The following MAPRE1 variants were observed in gnomAD, a reference collection of about 807,000 sequenced individuals.
MAPRE1 encodes the protein microtubule-associated protein RP/EB family member 1.
MAPRE1 carries 5 observed loss-of-function variants against 32.1 expected under a neutral mutation model. The observed-to-expected ratio is 0.16, with a 90% CI of 0.08 to 0.33. The LOEUF is 0.33. Among genes scored for constraint, MAPRE1 ranks in the 10% least tolerant of loss-of-function variants. MAPRE1 has a pLI of 1.00. For missense variants in MAPRE1, 209 were observed against 327.2 expected (o/e 0.64, Z 2.79); for synonymous variants, 122 against 118.9 (o/e 1.03, Z -0.17).
chr20:32,828,573 T>C (rs1982933419), intron 2 of MAPRE1, among the ~76,000 whole-genome samples: 1 of 152,234 alleles, frequency 6.6e-6, no homozygotes, highest in Non-Finnish European at 1.5e-5. Flanking sequence ...TAGTTCTTCA[T>C]CTGTGAACTG....
intron 1 of MAPRE1, among the ~76,000 whole-genome samples, chr20:32,820,793 G>T (rs1212099310): frequency 6.6e-6 from 1 of 152,150 alleles, no homozygotes; most frequent in Non-Finnish European, 1.5e-5. Context: ...GATGCTGCAG[G>T]GCAGAGCTTG....
chr20:32,844,470 T>TTG, intron 5 of MAPRE1, among the ~76,000 whole-genome samples: 1 of 132,826 alleles, frequency 7.5e-6, no homozygotes, highest in Non-Finnish European at 1.6e-5. Context: ...TTTTTTTTTT[T>TTG]GTGGCGTGAT....
At chr20:32,845,680 G>A (rs1372780697) in intron 5 of MAPRE1, among the ~76,000 whole-genome samples, 1 of 152,126 alleles carries the variant, frequency 6.6e-6, no homozygotes, top group African/African-American at 2.4e-5. Flanking sequence ...ATGGAGCCTT[G>A]CTATGTTGTC....
At position 32,821,101 on chromosome 20, in the gene MAPRE1, C is replaced by T. The variant is rs907254413; in HGVS notation, c.-4+1073C>T. Among the ~76,000 whole-genome samples the T allele has an allele frequency of 6.6e-5, 10 of 151,870 alleles. 1 individual carries two copies. Among genetic ancestry groups the T allele is most frequent in the African/African-American group, 1.7e-4 (7 of 41,420 alleles). On this transcript the variant is annotated intron_variant, in intron 1 of 6. Coordinates refer to ENST00000375571, the MANE Select transcript of MAPRE1 (RefSeq NM_012325.3). ...TGGCACCATCGCTCACTGCAACCTC[C>T]GCCTCCCGGGTTCAAGCGATTCTCG... is the stretch of plus-strand genomic sequence containing the variant.
chr20:32,823,807 T>C (rs922129073), intron 1 of MAPRE1, among the ~76,000 whole-genome samples: 7 of 152,194 alleles, frequency 4.6e-5, no homozygotes, highest in African/African-American at 1.7e-4. Flanking sequence ...GAGGATGGCT[T>C]GAGCCTGGGA....
At chr20:32,847,954 A>G (rs957949589) in intron 6 of MAPRE1, among the ~76,000 whole-genome samples, 1 of 152,206 alleles carries the variant, frequency 6.6e-6, no homozygotes, top group African/African-American at 2.4e-5. Flanking sequence ...AAAGGAAGGC[A>G]TAAAAGGAAA....
chr20:32,848,553 C>T (rs909656608), intron 6 of MAPRE1, 119 bp from the exon 7 acceptor site: 49 of 623,242 alleles, frequency 7.9e-5, no homozygotes, highest in Non-Finnish European at 1.2e-4. Context: ...TAGCAGTCAC[C>T]TGGCCTGTAT....
chr20:32,833,088 G>A (rs978335409), intron 2 of MAPRE1, among the ~76,000 whole-genome samples: 4 of 151,970 alleles, frequency 2.6e-5, no homozygotes, highest in East Asian at 3.9e-4. Context: ...CTATAGTCCC[G>A]CTACTCCAGA....
Position 32,846,608 on chromosome 20 carries a change from T to C in MAPRE1, c.598-10T>C. The C allele has an allele frequency of 1.9e-6, 3 of 1,613,742 alleles. No individual in the cohort carries two copies. Among genetic ancestry groups the C allele is most frequent in the East Asian group, 2.2e-5 (1 of 44,864 alleles). Reference sequence around the variant, plus strand: ...GCCAAGCATCTCACCCTTTTTAATGTCTTGTGCAGGTCAACGTATTGAAAC... The same window carrying C: ...GCCAAGCATCTCACCCTTTTTAATGCCTTGTGCAGGTCAACGTATTGAAAC... On this transcript the variant is annotated splice_polypyrimidine_tract_variant and intron_variant, in intron 5 of 6. Transcript: ENST00000375571.
At chr20:32,820,278 T>C (rs1601156151) in intron 1 of MAPRE1, among the ~76,000 whole-genome samples, 1 of 149,110 alleles carries the variant, frequency 6.7e-6, no homozygotes, top group African/African-American at 2.5e-5. Context: ...GGGGTGGGGG[T>C]TTCTGGGCCG....
At chr20:32,835,114 A>C (rs1016191669) in intron 3 of MAPRE1, among the ~76,000 whole-genome samples, 2 of 152,092 alleles carry the variant, frequency 1.3e-5, no homozygotes, top group African/African-American at 4.8e-5. Flanking sequence ...AGTCCTAGCT[A>C]CTCTGGAGGT....
At chr20:32,826,070 A>T in intron 2 of MAPRE1, 22 bp downstream of exon 2, 1 of 1,568,900 alleles carries the variant, frequency 6.4e-7, no homozygotes, top group East Asian at 2.3e-5. Context: ...CTGCTGGATC[A>T]TTTTTCTAGG....
In MAPRE1 at chr20:32,850,323, A is replaced by G. The variant is rs1052608181; in HGVS notation, c.*1595A>G. The G allele has an allele frequency of 2.0e-5, 3 of 152,418 alleles. No individual in the cohort carries two copies. The highest frequency in any genetic ancestry group is 6.6e-5 in the Admixed American group (1 of 15,236). 9.4% of individuals were successfully genotyped at this position (152,418 alleles called of 1,614,324 possible). A position where few individuals can be genotyped will look rare whatever the true frequency, so the allele number is the denominator to read the frequency against. On this transcript the variant is annotated 3_prime_UTR_variant, in exon 7 of 7. Coordinates refer to ENST00000375571, the MANE Select transcript of MAPRE1 (RefSeq NM_012325.3). ...GCCCTAAAATTCCATTTTATTGGGA[A>G]CCCATTTTCCACCTGGTCTTTCTTG... is the stretch of plus-strand genomic sequence containing the variant.
intron 1 of MAPRE1, among the ~76,000 whole-genome samples, chr20:32,823,374 C>T (rs1003393602): frequency 6.6e-6 from 1 of 152,180 alleles, no homozygotes; most frequent in Non-Finnish European, 1.5e-5. Flanking sequence ...CATCTTTCCC[C>T]TGCCCCTCCC....
intron 6 of MAPRE1, among the ~76,000 whole-genome samples, chr20:32,848,201 C>T (rs143309419): frequency 1.7e-3 from 257 of 151,928 alleles, no homozygotes; most frequent in Non-Finnish European, 3.0e-3. Context: ...CATGTCCCAC[C>T]AGGCTTGGCT....
At chr20:32,836,874 A>G (rs112244879) in intron 4 of MAPRE1, 33 bp downstream of exon 4, 13 of 1,557,764 alleles carry the variant, frequency 8.3e-6, no homozygotes, top group African/African-American at 5.5e-5. Flanking sequence ...TTTCCAAAAA[A>G]TAGCGTTCCA....
chr20:32,840,807 C>CTTTTTTA (rs1256094418), intron 5 of MAPRE1, among the ~76,000 whole-genome samples: 1 of 152,152 alleles, frequency 6.6e-6, no homozygotes, highest in Non-Finnish European at 1.5e-5. Flanking sequence ...TCACATTTCA[C>CTTTTTTA]TTTTTTATTT....
chr20:32,823,359 C>T (rs1982752481), intron 1 of MAPRE1, among the ~76,000 whole-genome samples: 1 of 152,208 alleles, frequency 6.6e-6, no homozygotes, highest in Non-Finnish European at 1.5e-5. Context: ...TTCCAGATTG[C>T]TCTGCATCTT....
intron 1 of MAPRE1, among the ~76,000 whole-genome samples, chr20:32,821,656 G>T (rs2146118630): frequency 6.6e-6 from 1 of 152,356 alleles, no homozygotes; most frequent in Middle Eastern, 3.4e-3. Context: ...CATTTGTGAT[G>T]CAGGAAGATT....
Sources: allele counts gnomAD v4.1 joint callset (sites outside exome capture counted in the v4.1 genomes callset), GRCh38; gene constraint gnomAD v4.1.1; transcripts MANE v1.5; gene names NCBI Gene and HGNC (gene_info 2026-07-23, HGNC 2026-07-21).